The following LRRC4C variants were observed in gnomAD, a reference collection of about 807,000 sequenced individuals.
LRRC4C encodes leucine rich repeat containing 4C, also known as leucine-rich repeat-containing protein 4C.
Under a neutral mutation model 33.6 loss-of-function variants are expected in LRRC4C, and 5 were observed. That is an observed-to-expected ratio of 0.15 (90% CI 0.08 to 0.31). The LOEUF (loss-of-function observed/expected upper bound fraction) is 0.31, where lower values mean the gene tolerates loss of function less well. Ranked by LOEUF, LRRC4C falls within the 10% of genes least tolerant of loss-of-function variation. The probability of loss-of-function intolerance (pLI) is 1.00; values close to 1 mark genes in which losing one functional copy is unlikely to be tolerated. For missense variants in LRRC4C, 560 were observed against 796.7 expected, an observed-to-expected ratio of 0.70 and a Z score of 3.58; for synonymous variants, 329 against 302.0, an observed-to-expected ratio of 1.09 and a Z score of -0.93.
chr11:40,518,520 A>T (rs2135202656), intron 3 of LRRC4C, among the ~76,000 whole-genome samples: 1 of 152,300 alleles, frequency 6.6e-6, no homozygotes, highest in Non-Finnish European at 1.5e-5. Context: ...ATCAGTAGTC[A>T]TTAGAGAAAT....
rs1855329076 is a variant in LRRC4C, at chr11:40,115,131, T to C, written c.1162A>G (p.Thr388Ala). Residue 388 changes from threonine to alanine, a missense_variant, in exon 7 of 7, where the codon ACT becomes GCT. Physicochemically the swap from Thr to Ala is moderately conservative, Grantham distance 58 (BLOSUM62 0). This residue lies in a region of LRRC4C where 455 missense variants were observed against 643.8 expected (regional missense o/e 0.71). Coordinates refer to ENST00000528697, the MANE Select transcript of LRRC4C (RefSeq NM_001258419.2). The surrounding 1 kb of genome is among the most constrained non-coding windows in gnomAD (Gnocchi z 6.7). ...STSLTSVSWI[T>A]PNGTVMTHGA... ...TGTGTCATGACTGTTCCATTTGGAG[T>C]AATCCAAGATACAGATGTCAGGGAT... 6.2e-7 allele frequency: 1 copy of C among 1,614,116 alleles called. No individual in the cohort carries two copies. Among genetic ancestry groups the C allele is most frequent in the South Asian group, 1.1e-5 (1 of 91,080 alleles).
intron 3 of LRRC4C, among the ~76,000 whole-genome samples, chr11:40,385,491 C>A (rs983824858): frequency 6.6e-6 from 1 of 151,844 alleles, no homozygotes; most frequent in Admixed American, 6.6e-5. Flanking sequence ...ATAAACATTG[C>A]GTACACATGG....
At chr11:40,449,065 T>A (rs1197106629) in intron 3 of LRRC4C, among the ~76,000 whole-genome samples, 1 of 152,240 alleles carries the variant, frequency 6.6e-6, no homozygotes, top group Non-Finnish European at 1.5e-5. Context: ...AAGTGTCTGT[T>A]CATATCCTTT....
At chr11:41,328,678 C>T (rs1565585648) in intron 1 of LRRC4C, among the ~76,000 whole-genome samples, 1 of 152,204 alleles carries the variant, frequency 6.6e-6, no homozygotes, top group African/African-American at 2.4e-5. Context: ...TGTTTTCTAA[C>T]CACCAGCAAG....
intron 4 of LRRC4C, among the ~76,000 whole-genome samples, chr11:40,287,398 C>T (rs1309368303): frequency 6.6e-6 from 1 of 151,800 alleles, no homozygotes; most frequent in Non-Finnish European, 1.5e-5. Flanking sequence ...TGCATACACT[C>T]TTGTATGTGC....
In LRRC4C at chr11:40,666,749, A is replaced by T. The variant is rs4237682; in HGVS notation, c.-406-18471T>A. 3.3e-5 allele frequency among the ~76,000 whole-genome samples: 5 copies of T among 151,758 alleles called. No homozygotes were observed. The South Asian group carries it at 1.0e-3, about 32-fold the overall frequency. On this transcript the variant is annotated intron_variant, in intron 2 of 6. Coordinates refer to ENST00000528697, the MANE Select transcript of LRRC4C (RefSeq NM_001258419.2). The stretch of plus-strand genomic sequence containing the variant: ...CTTAAATTAACAGGAGAAAAGAGCA[A>T]TTAGAAAATCTTCCCAAATGAAAAA...
intron 3 of LRRC4C, among the ~76,000 whole-genome samples, chr11:40,463,778 G>C (rs1952521678): frequency 6.6e-6 from 1 of 151,914 alleles, no homozygotes; most frequent in Non-Finnish European, 1.5e-5. Flanking sequence ...CCTATTAAAG[G>C]CTTTAAGAAG....
intron 2 of LRRC4C, among the ~76,000 whole-genome samples, chr11:40,786,350 T>C (rs955295207): frequency 3.3e-4 from 50 of 152,162 alleles, no homozygotes; most frequent in Non-Finnish European, 7.3e-5. Flanking sequence ...GCTTGTGCAG[T>C]TGAGCTTGCC....
At chr11:41,376,986 A>G (rs1244239338) in intron 1 of LRRC4C, among the ~76,000 whole-genome samples, 1 of 152,088 alleles carries the variant, frequency 6.6e-6, no homozygotes, top group African/African-American at 2.4e-5. Context: ...AACTAATAAA[A>G]TGGGTTAAAT....
At chr11:40,737,231 G>A (rs987183850) in intron 2 of LRRC4C, among the ~76,000 whole-genome samples, 2 of 152,128 alleles carry the variant, frequency 1.3e-5, no homozygotes, top group East Asian at 3.9e-4. Context: ...AATATAATAA[G>A]AGCTATTTAT....
At chr11:40,535,679 A>C (rs1956442164) in intron 3 of LRRC4C, among the ~76,000 whole-genome samples, 1 of 152,218 alleles carries the variant, frequency 6.6e-6, no homozygotes, top group Non-Finnish European at 1.5e-5. Flanking sequence ...TTTGAGTTTA[A>C]ATCAGCATGA....
intron 3 of LRRC4C, among the ~76,000 whole-genome samples, chr11:40,531,217 C>T (rs1029842553): frequency 6.6e-6 from 1 of 152,104 alleles, no homozygotes; most frequent in African/African-American, 2.4e-5. Context: ...TACCCCCACG[C>T]TTGTATAGCT....
intron 1 of LRRC4C, among the ~76,000 whole-genome samples, chr11:41,330,385 T>C (rs75652221): frequency 7.2e-5 from 11 of 152,338 alleles, no homozygotes; most frequent in African/African-American, 2.2e-4. Flanking sequence ...GAGTCTAAAT[T>C]GAAAACATTA....
chr11:40,696,451 G>T (rs1458855946), intron 2 of LRRC4C, among the ~76,000 whole-genome samples: 1 of 147,358 alleles, frequency 6.8e-6, no homozygotes, highest in Non-Finnish European at 1.5e-5. Flanking sequence ...TATATATATT[G>T]CTGAAGGTAA....
intron 1 of LRRC4C, among the ~76,000 whole-genome samples, chr11:41,136,730 T>TC (rs1943278962): frequency 6.6e-6 from 1 of 152,130 alleles, no homozygotes; most frequent in South Asian, 2.1e-4. Context: ...GATTTCTGAT[T>TC]TTGAATACTT....
intron 1 of LRRC4C, among the ~76,000 whole-genome samples, chr11:41,010,044 A>G (rs923471688): frequency 5.9e-5 from 9 of 152,138 alleles, no homozygotes; most frequent in Non-Finnish European, 8.8e-5. Flanking sequence ...ACTATAAGAC[A>G]AAGAATGCCA....
rs190863149 is a variant in LRRC4C at position 40,681,311 on chromosome 11, A to G, written c.-406-33033T>C. 2.4e-3 allele frequency among the ~76,000 whole-genome samples: 361 copies of G among 152,318 alleles called. 3 individuals are homozygous for G. The highest frequency in any genetic ancestry group is 8.3e-3 in the African/African-American group (343 of 41,568). On this transcript the variant is annotated intron_variant, in intron 2 of 6. Transcript: ENST00000528697. Reference sequence around the variant, plus strand: ...GTCTGTCTATGCTTTCAAAAAACCTAAGAGTCACAGTATTATTAATTAATC... The same window carrying G: ...GTCTGTCTATGCTTTCAAAAAACCTGAGAGTCACAGTATTATTAATTAATC...
At chr11:40,546,158 A>AT (rs113083444) in intron 3 of LRRC4C, among the ~76,000 whole-genome samples, 15,712 of 143,030 alleles carry the variant, frequency 0.11, 1,807 homozygotes, top group African/African-American at 0.3. Flanking sequence ...CTTTCTCTCT[A>AT]ATTTACTTAT....
intron 2 of LRRC4C, among the ~76,000 whole-genome samples, chr11:40,671,782 C>T (rs1944133169): frequency 6.6e-6 from 1 of 151,826 alleles, no homozygotes; most frequent in African/African-American, 2.4e-5. Flanking sequence ...TTATCCATCC[C>T]TCTTTATAAT....
Sources: gnomAD v4.1 joint callset for allele counts (sites outside exome capture counted in the v4.1 genomes callset) on GRCh38, gnomAD v4.1.1 for gene constraint, gnomAD v4.1.1 regional missense constraint, Gnocchi (gnomAD v3.1) non-coding constraint, MANE v1.5 for transcripts, NCBI Gene and HGNC (gene_info 2026-07-23, HGNC 2026-07-21) for gene names.